Variants in ZPBP observed in about 807,000 individuals in gnomAD.
The protein encoded by ZPBP is zona pellucida binding protein.
A neutral mutation model predicts 44.8 loss-of-function variants in ZPBP; 26 were observed. That is an observed-to-expected ratio of 0.58 (90% confidence interval 0.43 to 0.81). The LOEUF is 0.81. ZPBP is among the 30% of genes least tolerant of loss of function. The probability of loss-of-function intolerance (pLI) is 0.00; values close to 1 mark genes in which losing one functional copy is unlikely to be tolerated. For missense variants in ZPBP, 409 were observed against 434.0 expected, an observed-to-expected ratio of 0.94 and a Z score of 0.51; for synonymous variants, 174 against 153.2, an observed-to-expected ratio of 1.14 and a Z score of -1.00.
chr7:49,845,704 T>C (rs1161689137), downstream of ZPBP, among the ~76,000 whole-genome samples: 1 of 152,196 alleles, frequency 6.6e-6, no homozygotes, highest in Non-Finnish European at 1.5e-5. Context: ...TAAAAGACCT[T>C]GACATTGTAA....
intron 2 of ZPBP, among the ~76,000 whole-genome samples, chr7:49,898,734 A>T (rs990312196): frequency 5.9e-5 from 9 of 152,126 alleles, no homozygotes; most frequent in African/African-American, 2.2e-4. Context: ...TTTTGTTATT[A>T]TAAGATACTC....
At chr7:49,978,971 T>C (rs1310203346) in intron 7 of ZPBP, among the ~76,000 whole-genome samples, 1 of 152,004 alleles carries the variant, frequency 6.6e-6, no homozygotes, top group African/African-American at 2.4e-5. Flanking sequence ...AAGATAATTA[T>C]AAATTAAAAT....
intron 5 of ZPBP, among the ~76,000 whole-genome samples, chr7:50,020,658 T>C (rs1403061768): frequency 6.6e-6 from 1 of 151,842 alleles, no homozygotes; most frequent in Non-Finnish European, 1.5e-5. Flanking sequence ...TTCTACAAGA[T>C]TAAAAAATAA....
At chr7:50,014,768 T>C (rs1198697651) in intron 6 of ZPBP, among the ~76,000 whole-genome samples, 1 of 152,054 alleles carries the variant, frequency 6.6e-6, no homozygotes, top group Non-Finnish European at 1.5e-5. Flanking sequence ...CCCAGCCTAA[T>C]ACAACATATT....
At chr7:49,961,875 AAT>A (rs1486619704) in intron 7 of ZPBP, among the ~76,000 whole-genome samples, 3 of 152,094 alleles carry the variant, frequency 2.0e-5, no homozygotes, top group Non-Finnish European at 4.4e-5. Context: ...CATGTAACAG[AAT>A]ATGACATTTT....
Position 50,058,177 on chromosome 7 carries a change from T to C in ZPBP, c.335-36A>G, listed in dbSNP as rs776618116. The C allele has an allele frequency of 2.5e-6, 4 of 1,609,414 alleles. No homozygotes were observed. The South Asian group carries it at 4.4e-5, about 18-fold the overall frequency. ...AAGATACAGTTACGAGTTGCTTAAA[T>C]TACATGAGACAAGTACCAAAACATT... On this transcript the variant is annotated intron_variant, in intron 3 of 7. Transcript: ENST00000046087.
At chr7:49,895,508 G>GA (rs1354159355) in intron 2 of ZPBP, among the ~76,000 whole-genome samples, 3 of 152,134 alleles carry the variant, frequency 2.0e-5, no homozygotes, top group African/African-American at 4.8e-5. Flanking sequence ...AATGATCACA[G>GA]AAAAAATCAG....
chr7:50,080,548 A>G (rs1204910082), intron 3 of ZPBP, among the ~76,000 whole-genome samples: 1 of 151,716 alleles, frequency 6.6e-6, no homozygotes, highest in Admixed American at 6.6e-5. Context: ...CAATTTCCAA[A>G]TCAAACGAGC....
At chr7:50,080,040 G>C (rs1182739993) in intron 3 of ZPBP, among the ~76,000 whole-genome samples, 1 of 151,600 alleles carries the variant, frequency 6.6e-6, no homozygotes, top group Admixed American at 6.6e-5. Context: ...TTCTCCAAAG[G>C]AATGTACAAG....
At chr7:49,911,724 C>G (rs1793445622) in intron 1 of ZPBP, among the ~76,000 whole-genome samples, 1 of 151,752 alleles carries the variant, frequency 6.6e-6, no homozygotes, top group Non-Finnish European at 1.5e-5. Context: ...TTGTTAAACC[C>G]CATTTCTACA....
chr7:49,975,770 T>C (rs1377702320), intron 7 of ZPBP, among the ~76,000 whole-genome samples: 1 of 152,164 alleles, frequency 6.6e-6, no homozygotes, highest in Non-Finnish European at 1.5e-5. Context: ...AGGTCACAAA[T>C]GCTTCATAAG....
At chr7:49,864,572 G>A (rs1790801364) in intron 2 of ZPBP, among the ~76,000 whole-genome samples, 1 of 152,182 alleles carries the variant, frequency 6.6e-6, no homozygotes, top group Non-Finnish European at 1.5e-5. Context: ...TTTGGCCTGG[G>A]TAGTTGGCTG....
intron 2 of ZPBP, among the ~76,000 whole-genome samples, chr7:49,861,683 T>C (rs1790658259): frequency 6.6e-6 from 1 of 152,182 alleles, no homozygotes; most frequent in African/African-American, 2.4e-5. Flanking sequence ...TGGTATGAGG[T>C]AGGGGACCAA....
At chr7:50,012,387 C>T (rs1243999676) in intron 6 of ZPBP, among the ~76,000 whole-genome samples, 3 of 151,806 alleles carry the variant, frequency 2.0e-5, no homozygotes, top group Admixed American at 2.0e-4. Context: ...AAACTAATAA[C>T]TAAAAACATT....
chr7:49,848,391 G>A (rs1365911798), downstream of ZPBP, among the ~76,000 whole-genome samples: 1 of 152,232 alleles, frequency 6.6e-6, no homozygotes, highest in Non-Finnish European at 1.5e-5. Context: ...ACGCCCTGCA[G>A]TGTGTGAGAG....
rs867754878 is a variant in ZPBP at position 49,877,497 on chromosome 7, T to A, written n.509+23621A>T. ...AAAAAAAAAAATATATATATATATA[T>A]ATATATATATATATATATATAGTTA... On this transcript the variant is annotated intron_variant and non_coding_transcript_variant, in intron 2 of 2. Transcript: ENST00000465922. Among the ~76,000 whole-genome samples, 174 of 82,498 alleles carry A rather than the reference T, an allele frequency of 2.1e-3. 14 individuals are homozygous for A. Among genetic ancestry groups the A allele is most frequent in the Middle Eastern group, 0.01 (2 of 196 alleles). 54.1% of individuals were successfully genotyped at this position (82,498 alleles called of 152,430 possible).
chr7:50,040,981 T>C (rs1800064121), intron 4 of ZPBP, among the ~76,000 whole-genome samples: 2 of 152,118 alleles, frequency 1.3e-5, no homozygotes, highest in Admixed American at 6.5e-5. Flanking sequence ...GGGAGGGGCA[T>C]CTGCCATTAC....
At chr7:49,851,757 CTGAG>C (rs1316443367) in intron 2 of ZPBP, among the ~76,000 whole-genome samples, 1 of 152,036 alleles carries the variant, frequency 6.6e-6, no homozygotes, top group Admixed American at 6.5e-5. Flanking sequence ...ACTTGGGAGG[CTGAG>C]TAAGGAGAAT....
chr7:49,922,029 T>A (rs967686463), intron 1 of ZPBP: 4 of 152,202 alleles, frequency 2.6e-5, no homozygotes, highest in Non-Finnish European at 5.9e-5. Context: ...TTAAGCAAGA[T>A]AAATAAAATG....
Sources: gnomAD v4.1 joint callset for allele counts (sites outside exome capture counted in the v4.1 genomes callset) on GRCh38, gnomAD v4.1.1 for gene constraint, MANE v1.5 for transcripts, NCBI Gene and HGNC (gene_info 2026-07-23, HGNC 2026-07-21) for gene names.